The following CSMD1 variants were observed in gnomAD, a reference collection of about 807,000 sequenced individuals.
The protein encoded by CSMD1 is CUB and Sushi multiple domains 1, also known as CUB and sushi domain-containing protein 1.
Under a neutral mutation model 417.5 loss-of-function variants are expected in CSMD1, and 213 were observed. The ratio of observed to expected loss-of-function variants is 0.51; its 90% CI spans 0.46 to 0.57. CSMD1 has a LOEUF of 0.57. Ranked by LOEUF, CSMD1 falls within the 20% of genes least tolerant of loss-of-function variation. CSMD1 has a pLI of 0.00. For synonymous variants in CSMD1, 2,862 were observed against 1,736.8 expected, an observed-to-expected ratio of 1.65 and a Z score of -16.11; for missense variants, 6,923 against 4,529.7, an observed-to-expected ratio of 1.53 and a Z score of -15.17.
intron 12 of CSMD1, among the ~76,000 whole-genome samples, chr8:3,446,392 G>C (rs1200110257): frequency 6.6e-6 from 1 of 152,170 alleles, no homozygotes; most frequent in Non-Finnish European, 1.5e-5. Context: ...TTTCAACTGA[G>C]GATCTGTCCT....
chr8:4,257,276 C>A (rs1245752220), intron 3 of CSMD1, among the ~76,000 whole-genome samples: 1 of 151,948 alleles, frequency 6.6e-6, no homozygotes, highest in Non-Finnish European at 1.5e-5. Flanking sequence ...CTTTCTGTAC[C>A]CTTTCTGTTA....
chr8:3,283,172 T>G (rs1181154948), intron 26 of CSMD1, among the ~76,000 whole-genome samples: 1 of 152,116 alleles, frequency 6.6e-6, no homozygotes, highest in Non-Finnish European at 1.5e-5. Flanking sequence ...TCTTGAAACT[T>G]TATCCCTAAG....
At chr8:2,996,283 AC>A (rs1806889659) in intron 54 of CSMD1, among the ~76,000 whole-genome samples, 2 of 152,372 alleles carry the variant, frequency 1.3e-5, no homozygotes, top group Admixed American at 6.5e-5. Context: ...TTAGTAATTT[AC>A]CATGTTAAAA....
chr8:3,689,130 T>C (rs1041526468), intron 7 of CSMD1, among the ~76,000 whole-genome samples: 3 of 152,200 alleles, frequency 2.0e-5, no homozygotes, highest in African/African-American at 7.2e-5. Context: ...AACTCCATGC[T>C]TTGGTTTAAG....
chr8:3,625,450 C>A (rs1051194676), intron 7 of CSMD1, among the ~76,000 whole-genome samples: 5 of 152,062 alleles, frequency 3.3e-5, no homozygotes, highest in African/African-American at 1.2e-4. Context: ...CCACTACATA[C>A]CTTCATGTGC....
intron 25 of CSMD1, among the ~76,000 whole-genome samples, chr8:3,304,519 T>A (rs1366305345): frequency 6.6e-6 from 1 of 152,174 alleles, no homozygotes; most frequent in African/African-American, 2.4e-5. Context: ...TTAAGTTGAT[T>A]GTCAATTGAG....
intron 3 of CSMD1, among the ~76,000 whole-genome samples, chr8:4,157,717 C>T (rs113473635): frequency 4.1e-4 from 63 of 152,338 alleles, no homozygotes; most frequent in Admixed American, 1.2e-3. Flanking sequence ...GCACAGTTGT[C>T]CCTCTGGCCG....
rs1165029359 is a variant in CSMD1, at chr8:4,938,404, C to A, written c.85+55928G>T. On this transcript the variant is annotated intron_variant, in intron 1 of 69. Coordinates refer to ENST00000635120, the MANE Select transcript of CSMD1 (RefSeq NM_033225.6). ...TAGTTATTACAAATATGACTCCATG[C>A]CCACTTCTCATCAACAAGTGGCATA... Among the ~76,000 whole-genome samples the A allele has an allele frequency of 2.6e-5, 4 of 152,172 alleles. No individual in the cohort carries two copies. In the East Asian group the frequency reaches 7.7e-4, roughly 29 times the overall value.
intron 3 of CSMD1, among the ~76,000 whole-genome samples, chr8:4,207,480 T>G (rs56376225): frequency 0.15 from 22,352 of 152,178 alleles, 2,717 homozygotes; most frequent in African/African-American, 0.33. Context: ...AATAGCCGAT[T>G]AAAATGTCTT....
chr8:4,210,318 G>C (rs1800230706), intron 3 of CSMD1, among the ~76,000 whole-genome samples: 1 of 152,186 alleles, frequency 6.6e-6, no homozygotes, highest in South Asian at 2.1e-4. Context: ...CATGTCAAGT[G>C]TGGGATTGTG....
At chr8:3,980,357 G>T (rs1025736824) in intron 5 of CSMD1, among the ~76,000 whole-genome samples, 1 of 147,102 alleles carries the variant, frequency 6.8e-6, no homozygotes, top group African/African-American at 2.5e-5. Flanking sequence ...CTGAATTTCA[G>T]CTTTAACGCG....
chr8:3,394,935 A>T (rs1033411322), intron 17 of CSMD1, among the ~76,000 whole-genome samples: 2 of 152,172 alleles, frequency 1.3e-5, no homozygotes, highest in Non-Finnish European at 2.9e-5. Context: ...TTTTTATCTA[A>T]AAGTAGACAA....
intron 5 of CSMD1, among the ~76,000 whole-genome samples, chr8:3,913,127 G>C (rs1260470257): frequency 6.6e-6 from 1 of 152,102 alleles, no homozygotes; most frequent in African/African-American, 2.4e-5. Context: ...TGGGGTTTTG[G>C]CACCTTGAAA....
intron 5 of CSMD1, among the ~76,000 whole-genome samples, chr8:3,877,088 G>A (rs1016601150): frequency 6.6e-6 from 1 of 152,202 alleles, no homozygotes; most frequent in African/African-American, 2.4e-5. Context: ...TTACAAGGGA[G>A]ATTCAGCCTG....
chr8:4,693,480 G>A (rs1050790490), intron 1 of CSMD1, among the ~76,000 whole-genome samples: 2 of 152,070 alleles, frequency 1.3e-5, no homozygotes, highest in African/African-American at 2.4e-5. Flanking sequence ...AACTATGTGG[G>A]GACATTAGTC....
At chr8:3,068,012 T>C (rs551889731) in intron 49 of CSMD1, among the ~76,000 whole-genome samples, 2 of 152,298 alleles carry the variant, frequency 1.3e-5, no homozygotes, top group African/African-American at 4.8e-5. Flanking sequence ...CTTTTTGTTG[T>C]AATAAATAAA....
chr8:3,610,843 T>C (rs986714898), intron 8 of CSMD1, among the ~76,000 whole-genome samples: 8 of 152,054 alleles, frequency 5.3e-5, no homozygotes, highest in African/African-American at 1.7e-4. Flanking sequence ...CATTTTACAA[T>C]ACTCTAAGGT....
At chr8:3,229,722 G>A (rs1471150471) in intron 27 of CSMD1, among the ~76,000 whole-genome samples, 1 of 152,016 alleles carries the variant, frequency 6.6e-6, no homozygotes, top group African/African-American at 2.4e-5. Flanking sequence ...AGCAATGGTA[G>A]GTTTATAAAT....
At chr8:4,314,505 CT>C (rs1563439173) in intron 3 of CSMD1, among the ~76,000 whole-genome samples, 2 of 152,118 alleles carry the variant, frequency 1.3e-5, no homozygotes, top group Non-Finnish European at 2.9e-5. Flanking sequence ...GCAGTCTGGA[CT>C]TTGCTAATGC....
Sources: allele counts gnomAD v4.1 joint callset (sites outside exome capture counted in the v4.1 genomes callset), GRCh38; gene constraint gnomAD v4.1.1; transcripts MANE v1.5; gene names NCBI Gene and HGNC (gene_info 2026-07-23, HGNC 2026-07-21).